NYAP2: variants seen among roughly 807,000 people sequenced by gnomAD.
NYAP2 encodes neuronal tyrosine-phosphorylated phosphoinositide-3-kinase adaptor 2.
Under a neutral mutation model 50.4 loss-of-function variants are expected in NYAP2, and 23 were observed. The ratio of observed to expected loss-of-function variants is 0.46; its 90% CI spans 0.33 to 0.65. NYAP2 has a LOEUF of 0.65. Among genes scored for constraint, NYAP2 ranks in the 30% least tolerant of loss-of-function variants. The pLI is 0.02. For synonymous variants in NYAP2, 394 were observed against 365.2 expected (o/e 1.08, Z -0.90); for missense variants, 885 against 861.0 (o/e 1.03, Z -0.35).
intron 6 of NYAP2, among the ~76,000 whole-genome samples, chr2:225,640,229 C>G (rs1350416947): frequency 6.6e-6 from 1 of 152,180 alleles, no homozygotes; most frequent in African/African-American, 2.4e-5. Flanking sequence ...CGCTCTCTAA[C>G]CCATGAGATT....
intron 4 of NYAP2, among the ~76,000 whole-genome samples, chr2:225,538,003 T>C (rs1424801545): frequency 6.6e-6 from 1 of 152,200 alleles, no homozygotes; most frequent in Non-Finnish European, 1.5e-5. Flanking sequence ...AATGATCTCC[T>C]TTTACTTCAT....
chr2:225,553,099 C>T (rs1691708669), intron 4 of NYAP2, among the ~76,000 whole-genome samples: 1 of 152,340 alleles, frequency 6.6e-6, no homozygotes. Flanking sequence ...ACTCCAGAAG[C>T]TTGCAGGAAG....
intron 4 of NYAP2, among the ~76,000 whole-genome samples, chr2:225,569,611 C>T (rs1692031031): frequency 6.6e-6 from 1 of 152,066 alleles, no homozygotes; most frequent in African/African-American, 2.4e-5. Flanking sequence ...ATTTTGAGGC[C>T]CTTCCAAGTG....
intron 4 of NYAP2, among the ~76,000 whole-genome samples, chr2:225,519,841 C>T (rs1229414384): frequency 2.0e-5 from 3 of 152,134 alleles, no homozygotes; most frequent in South Asian, 2.1e-4. Flanking sequence ...CCTGAGGAAT[C>T]GCCACACTGA....
chr2:225,429,723 G>A (rs1359862480), intron 3 of NYAP2, among the ~76,000 whole-genome samples: 1 of 152,196 alleles, frequency 6.6e-6, no homozygotes, highest in African/African-American at 2.4e-5. Context: ...GTAAGCCCAT[G>A]CGTAAGTGCT....
chr2:225,619,723 G>C (rs1473354047), intron 5 of NYAP2, among the ~76,000 whole-genome samples: 2 of 152,138 alleles, frequency 1.3e-5, no homozygotes, highest in Non-Finnish European at 2.9e-5. Flanking sequence ...AGCTGCATGA[G>C]GTGTGATGGA....
At chr2:225,657,207 T>A (rs1206004795), downstream of NYAP2, among the ~76,000 whole-genome samples, 1 of 150,402 alleles carries the variant, frequency 6.6e-6, no homozygotes, top group Non-Finnish European at 1.5e-5. Flanking sequence ...ACCTCCAAGT[T>A]CAACTGATTC....
At chr2:225,611,264 C>T (rs1486668213) in intron 5 of NYAP2, among the ~76,000 whole-genome samples, 2 of 152,064 alleles carry the variant, frequency 1.3e-5, no homozygotes, top group Non-Finnish European at 2.9e-5. Flanking sequence ...GTACTGCAAC[C>T]AGAGTGATCT....
At chr2:225,454,331 A>C (rs1403683597) in intron 3 of NYAP2, among the ~76,000 whole-genome samples, 5 of 152,204 alleles carry the variant, frequency 3.3e-5, no homozygotes, top group African/African-American at 1.2e-4. Context: ...ACCTTGTCTC[A>C]AAAAACAAAA....
At chr2:225,697,943 C>T in the NYAP2 span, among the ~76,000 whole-genome samples, 48 of 151,758 alleles carry the variant, frequency 3.2e-4, no homozygotes, top group Admixed American at 2.6e-3. Flanking sequence ...GAGGCTGAGG[C>T]GGGAGAATTG....
intron 4 of NYAP2, among the ~76,000 whole-genome samples, chr2:225,542,871 T>C (rs1372705995): frequency 6.6e-6 from 1 of 152,140 alleles, no homozygotes. Context: ...TTTGGTAGAA[T>C]TCAGCAATAA....
chr2:225,404,226 C>CT lies in NYAP2; in HGVS notation c.-18+3191dup, dbSNP rs932323011. On this transcript the variant is annotated intron_variant, in intron 2 of 6. Transcript: ENST00000636099. ...ATACACCTCTTTCTCAAAAATGCTGCTTTTTTTTAAGCTTCAGAACTAAGG... is the reference window on the plus strand; with the variant it reads ...ATACACCTCTTTCTCAAAAATGCTGCTTTTTTTTTAAGCTTCAGAACTAAGG... 3.3e-5 allele frequency among the ~76,000 whole-genome samples: 5 copies of CT among 151,800 alleles called. No individual in the cohort carries two copies. In the South Asian group the frequency reaches 6.2e-4, roughly 19 times the overall value.
intron 4 of NYAP2, among the ~76,000 whole-genome samples, chr2:225,566,528 CT>C (rs1231894781): frequency 1.3e-5 from 2 of 152,340 alleles, no homozygotes; most frequent in Non-Finnish European, 2.9e-5. Context: ...TAATATCCCC[CT>C]GGGTTGAATC....
intron 3 of NYAP2, among the ~76,000 whole-genome samples, chr2:225,486,006 G>A (rs975798414): frequency 6.6e-6 from 1 of 152,142 alleles, no homozygotes; most frequent in Non-Finnish European, 1.5e-5. Flanking sequence ...CTTGTGGGCG[G>A]TGGTAAAACT....
intron 3 of NYAP2, among the ~76,000 whole-genome samples, chr2:225,503,983 C>A (rs1207953588): frequency 2.6e-5 from 4 of 151,974 alleles, no homozygotes; most frequent in Non-Finnish European, 5.9e-5. Context: ...GTATGTTTTC[C>A]TTCATGGTGC....
At chr2:225,410,803 G>C (rs549662993) in intron 3 of NYAP2, among the ~76,000 whole-genome samples, 74 of 152,132 alleles carry the variant, frequency 4.9e-4, no homozygotes, top group South Asian at 1.7e-3. Flanking sequence ...TAACTGTCAA[G>C]TGTTCAAAAA....
chr2:225,446,431 AAAAAC>A (rs1329695283), intron 3 of NYAP2, among the ~76,000 whole-genome samples: 1 of 151,894 alleles, frequency 6.6e-6, no homozygotes. Flanking sequence ...AAAAGATGCA[AAAAAC>A]AAAACAAAAC....
chr2:225,670,622 A>G, the NYAP2 span, among the ~76,000 whole-genome samples: 570 of 25,984 alleles, frequency 0.022, 11 homozygotes, highest in South Asian at 0.055. Context: ...AAAAAAAAAA[A>G]AAAAAAAAAT....
At chr2:225,553,985 A>C (rs1194742137) in intron 4 of NYAP2, among the ~76,000 whole-genome samples, 2 of 152,116 alleles carry the variant, frequency 1.3e-5, no homozygotes, top group African/African-American at 2.4e-5. Flanking sequence ...GCCCCATTGC[A>C]CTCCAGCCTG....
Sources: allele counts gnomAD v4.1 joint callset (sites outside exome capture counted in the v4.1 genomes callset), GRCh38; gene constraint gnomAD v4.1.1; transcripts MANE v1.5; gene names NCBI Gene and HGNC (gene_info 2026-07-23, HGNC 2026-07-21).